SDK1: variants seen among roughly 807,000 people sequenced by gnomAD.
SDK1 encodes the protein protein sidekick-1.
In SDK1, 157 loss-of-function variants were observed where a neutral mutation model predicts 245.5. That is an observed-to-expected ratio of 0.64 (90% CI 0.56 to 0.73). The LOEUF (loss-of-function observed/expected upper bound fraction) is 0.73, where lower values mean the gene tolerates loss of function less well. Among genes scored for constraint, SDK1 ranks in the 30% least tolerant of loss-of-function variants. The probability of loss-of-function intolerance (pLI) is 0.00; values close to 1 mark genes in which losing one functional copy is unlikely to be tolerated. For missense variants in SDK1, 3,583 were observed against 3,002.3 expected, an observed-to-expected ratio of 1.19 and a Z score of -4.52; for synonymous variants, 1,647 against 1,278.5, an observed-to-expected ratio of 1.29 and a Z score of -6.15.
chr7:3,495,730 C>T (rs796927873), intron 1 of SDK1, among the ~76,000 whole-genome samples: 4 of 152,338 alleles, frequency 2.6e-5, no homozygotes, highest in African/African-American at 9.6e-5. Flanking sequence ...CTGCCCTCTC[C>T]ACATGCCACG....
At chr7:3,604,756 C>G (rs989671831) in intron 1 of SDK1, among the ~76,000 whole-genome samples, 3 of 151,804 alleles carry the variant, frequency 2.0e-5, no homozygotes, top group African/African-American at 7.3e-5. Flanking sequence ...GCATGTGTCA[C>G]TACGGCAGGC....
chr7:4,266,087 A>AC lies in SDK1; in HGVS notation c.*705dup, dbSNP rs1442366102. On this transcript the variant is annotated 3_prime_UTR_variant, in exon 45 of 45. Transcript: ENST00000404826. ...TGCCTGTCTTTCCCCCTTCCTTCTC[A>AC]CCTGACAGCGAGGGAGAGGGAAGCC... 3 of 984,358 alleles carry AC rather than the reference A, an allele frequency of 3.0e-6. No homozygotes were observed. The African/African-American group carries it at 5.3e-5, about 17-fold the overall frequency. 61.0% of individuals were successfully genotyped at this position (984,358 alleles called of 1,614,324 possible). A position where few individuals can be genotyped will look rare whatever the true frequency, so the allele number is the denominator to read the frequency against.
rs564280527 is a variant in SDK1 at position 3,488,229 on chromosome 7, CTG to C, written c.299-130847_299-130846del. Among the ~76,000 whole-genome samples, 463 of 152,214 alleles carry C rather than the reference CTG, an allele frequency of 3.0e-3. 4 individuals are homozygous for C. Among genetic ancestry groups the C allele is most frequent in the Non-Finnish European group, 4.5e-3 (307 of 68,010 alleles). On this transcript the variant is annotated intron_variant, in intron 1 of 44. Transcript: ENST00000404826. ...GCCACTCCTCCTCCCCAATTTTATGCTGTGTCTTTTCCTCTAATTATAAATCT... is the reference window on the plus strand; with the variant it reads ...GCCACTCCTCCTCCCCAATTTTATGCTGTCTTTTCCTCTAATTATAAATCT...
At chr7:3,414,192 T>C (rs1219131174) in intron 1 of SDK1, among the ~76,000 whole-genome samples, 1 of 152,074 alleles carries the variant, frequency 6.6e-6, no homozygotes, top group African/African-American at 2.4e-5. Context: ...AATTTTGGCT[T>C]GAGCAAGCTA....
chr7:3,730,875 G>A (rs920196933), intron 4 of SDK1, among the ~76,000 whole-genome samples: 3 of 152,096 alleles, frequency 2.0e-5, no homozygotes, highest in Non-Finnish European at 2.9e-5. Context: ...CCAGACTAGA[G>A]ACCCTTTTGC....
At chr7:4,154,842 G>T (rs1439774613) in intron 30 of SDK1, among the ~76,000 whole-genome samples, 2 of 152,060 alleles carry the variant, frequency 1.3e-5, no homozygotes, top group African/African-American at 2.4e-5. Context: ...GTGCAGAATT[G>T]GGAGGAGTTA....
intron 39 of SDK1, 125 bp downstream of exon 39, chr7:4,220,395 A>C (rs763745793): frequency 3.9e-6 from 4 of 1,026,176 alleles, no homozygotes; most frequent in Non-Finnish European, 5.6e-6. Context: ...GCTGGCATCA[A>C]CTCGGGGATG....
intron 19 of SDK1, among the ~76,000 whole-genome samples, chr7:4,053,080 C>G (rs1178355566): frequency 7.8e-6 from 1 of 127,588 alleles, no homozygotes; most frequent in Non-Finnish European, 1.6e-5. Context: ...TAGTGAGACT[C>G]TGTCTCAAAA....
intron 5 of SDK1, among the ~76,000 whole-genome samples, chr7:3,865,784 C>A (rs781490384): frequency 2.6e-5 from 4 of 152,042 alleles, no homozygotes; most frequent in Non-Finnish European, 5.9e-5. Flanking sequence ...AGGCATGAGC[C>A]ACTATGTCTG....
At chr7:4,080,760 A>C (rs775412360) in intron 22 of SDK1, among the ~76,000 whole-genome samples, 5 of 152,170 alleles carry the variant, frequency 3.3e-5, no homozygotes, top group Non-Finnish European at 5.9e-5. Flanking sequence ...TAATGCTAAA[A>C]GACGAGTTAA....
chr7:3,585,965 G>C (rs994703877), intron 1 of SDK1, among the ~76,000 whole-genome samples: 7 of 152,150 alleles, frequency 4.6e-5, no homozygotes, highest in Non-Finnish European at 1.5e-5. Context: ...CTTTGTTTCA[G>C]CAAAACACTA....
At chr7:3,857,678 C>T (rs1242210998) in intron 5 of SDK1, among the ~76,000 whole-genome samples, 1 of 139,302 alleles carries the variant, frequency 7.2e-6, no homozygotes, top group African/African-American at 2.5e-5. Flanking sequence ...CAGAGTAAGA[C>T]CCTGTCTCAA....
chr7:3,769,914 C>T (rs556291721), intron 4 of SDK1, among the ~76,000 whole-genome samples: 1 of 150,680 alleles, frequency 6.6e-6, no homozygotes, highest in African/African-American at 2.5e-5. Flanking sequence ...CAGATTTTCT[C>T]AGTGTTATTT....
chr7:3,307,083 ATGTTT>A (rs1403151356), intron 1 of SDK1, among the ~76,000 whole-genome samples: 1 of 152,172 alleles, frequency 6.6e-6, no homozygotes, highest in African/African-American at 2.4e-5. Flanking sequence ...AAAGCTATTG[ATGTTT>A]TGTTATTTGA....
At chr7:3,925,621 G>T (rs531687314) in intron 5 of SDK1, among the ~76,000 whole-genome samples, 2 of 152,150 alleles carry the variant, frequency 1.3e-5, no homozygotes, top group Non-Finnish European at 2.9e-5. Context: ...GGCAGCCTTG[G>T]GGCACCCTGC....
rs559880458 is a variant in SDK1 at position 3,983,245 on chromosome 7, T to C, written c.1995-3941T>C. On this transcript the variant is annotated intron_variant, in intron 13 of 44. Transcript: ENST00000404826. ...GATTGACTCCAATTTTGAAAGAAGTTCTACTGTGGGTAAAATGTTATCAAA... is the reference window on the plus strand; with the variant it reads ...GATTGACTCCAATTTTGAAAGAAGTCCTACTGTGGGTAAAATGTTATCAAA... 4.6e-5 allele frequency among the ~76,000 whole-genome samples: 7 copies of C among 152,314 alleles called. No individual in the cohort carries two copies. The East Asian group carries it at 1.4e-3, about 29-fold the overall frequency.
chr7:3,929,653 G>C (rs542699430), intron 5 of SDK1, among the ~76,000 whole-genome samples: 2 of 152,280 alleles, frequency 1.3e-5, no homozygotes, highest in South Asian at 4.1e-4. Context: ...AGGGTTGTAG[G>C]GATTTGGAGG....
intron 2 of SDK1, among the ~76,000 whole-genome samples, chr7:3,628,188 C>T (rs1782178427): frequency 6.6e-6 from 1 of 152,048 alleles, no homozygotes; most frequent in African/African-American, 2.4e-5. Flanking sequence ...ATTGGTGAGG[C>T]CTGTGTATAA....
At chr7:4,254,944 T>C (rs7781965) in intron 44 of SDK1, among the ~76,000 whole-genome samples, 45,662 of 152,116 alleles carry the variant, frequency 0.3, 7,601 homozygotes, top group African/African-American at 0.43. Context: ...TGGTTTACCA[T>C]GATTGGCGTC....
Sources: allele counts gnomAD v4.1 joint callset (sites outside exome capture counted in the v4.1 genomes callset), GRCh38; gene constraint gnomAD v4.1.1; transcripts MANE v1.5; gene names NCBI Gene and HGNC (gene_info 2026-07-23, HGNC 2026-07-21).